AHCY: variants seen among roughly 807,000 people sequenced by gnomAD.
AHCY encodes adenosylhomocysteinase.
Under a neutral mutation model 45.4 loss-of-function variants are expected in AHCY, and 24 were observed. That is an observed-to-expected ratio of 0.53 (90% CI 0.38 to 0.74). The LOEUF (loss-of-function observed/expected upper bound fraction) is 0.74, where lower values mean the gene tolerates loss of function less well. AHCY is among the 30% of genes least tolerant of loss of function. The probability of loss-of-function intolerance (pLI) is 0.00; values close to 1 mark genes in which losing one functional copy is unlikely to be tolerated. For missense variants in AHCY, 449 were observed against 594.1 expected, an observed-to-expected ratio of 0.76 and a Z score of 2.54; for synonymous variants, 245 against 235.1, an observed-to-expected ratio of 1.04 and a Z score of -0.39.
At chr20:34,273,144 T>C in the AHCY span, among the ~76,000 whole-genome samples, 2 of 151,768 alleles carry the variant, frequency 1.3e-5, no homozygotes, top group African/African-American at 4.8e-5. Context: ...CTTCAGTCCC[T>C]CTCTCCTCCC....
At chr20:34,303,214 C>T (rs999601711) in intron 1 of AHCY, 29 bp downstream of exon 1, 6 of 1,551,114 alleles carry the variant, frequency 3.9e-6, no homozygotes, top group South Asian at 1.2e-5. Flanking sequence ...GCCGGGCGGC[C>T]GCAACCGGCT....
chr20:34,240,977 T>G, the AHCY span, among the ~76,000 whole-genome samples: 10 of 152,122 alleles, frequency 6.6e-5, no homozygotes, highest in Admixed American at 2.0e-4. Context: ...GGAAGCCAGC[T>G]CTGGGAGATC....
At chr20:34,304,540 T>A (rs545023797), upstream of AHCY, among the ~76,000 whole-genome samples, 25 of 151,946 alleles carry the variant, frequency 1.6e-4, no homozygotes, top group East Asian at 2.1e-3. Context: ...TTTTTTTTTT[T>A]ATGGAGTCTC....
At chr20:34,308,954 AAT>A (rs2036921551) in intron 1 of AHCY, among the ~76,000 whole-genome samples, 1 of 112,516 alleles carries the variant, frequency 8.9e-6, no homozygotes, top group African/African-American at 3.9e-5. Context: ...GCGCCTGGCC[AAT>A]TTTTTTTTTT....
chr20:34,240,294 C>T, the AHCY span, among the ~76,000 whole-genome samples: 7 of 152,278 alleles, frequency 4.6e-5, no homozygotes, highest in South Asian at 1.5e-3. Flanking sequence ...AGCAGCTGGG[C>T]TTGTGAAAAA....
chr20:34,251,459 A>G, the AHCY span, among the ~76,000 whole-genome samples: 15 of 151,994 alleles, frequency 9.9e-5, no homozygotes, highest in African/African-American at 3.6e-4. Context: ...ATTTTTTAAT[A>G]GAGACGGGGT....
the AHCY span, among the ~76,000 whole-genome samples, chr20:34,235,878 GA>G: frequency 2.1e-5 from 2 of 93,262 alleles, no homozygotes; most frequent in African/African-American, 5.8e-5. Context: ...AGGAAGGAAG[GA>G]AGGAAGGAAG....
chr20:34,268,902 T>C, the AHCY span: 1 of 1,483,888 alleles, frequency 6.7e-7, no homozygotes, highest in Non-Finnish European at 9.1e-7. Context: ...TGGTCCGGGA[T>C]CTCCCTAGCC....
intron 4 of AHCY, 105 bp downstream of exon 4, chr20:34,292,253 G>C: frequency 7.1e-7 from 1 of 1,403,790 alleles, no homozygotes; most frequent in Non-Finnish European, 9.8e-7. Context: ...TCCAGATCCT[G>C]CTGCTTGAGG....
intron 2 of AHCY, chr20:34,295,159 G>T: frequency 1.6e-6 from 1 of 625,994 alleles, no homozygotes; most frequent in South Asian, 1.8e-5. Flanking sequence ...CCATCAGGAG[G>T]ATGCCTTGAG....
rs1043568711 is a variant in AHCY at position 34,280,470 on chromosome 20, C to T, written c.*564G>A. ...TCACTTCTCTGTTCTTTCTCAGTTGCCCCTTAACAGTCTATTCTAACCCCT... is the reference window on the plus strand; with the variant it reads ...TCACTTCTCTGTTCTTTCTCAGTTGTCCCTTAACAGTCTATTCTAACCCCT... On this transcript the variant is annotated 3_prime_UTR_variant, in exon 10 of 10. Transcript: ENST00000217426. 5.0e-5 allele frequency: 8 copies of T among 159,038 alleles called. No individual in the cohort carries two copies. Among genetic ancestry groups the T allele is most frequent in the African/African-American group, 1.9e-4 (8 of 41,476 alleles). 9.9% of individuals were successfully genotyped at this position (159,038 alleles called of 1,614,324 possible).
chr20:34,279,079 A>G (rs2035938229), downstream of AHCY, among the ~76,000 whole-genome samples: 2 of 109,984 alleles, frequency 1.8e-5, no homozygotes. Context: ...ACTGCACTCT[A>G]GCCTGGGCGA....
the AHCY span, among the ~76,000 whole-genome samples, chr20:34,238,696 AT>A: frequency 6.6e-6 from 1 of 151,454 alleles, no homozygotes; most frequent in Non-Finnish European, 1.5e-5. Flanking sequence ...AATGTGCCAT[AT>A]TTTTTCTTTT....
chr20:34,252,916 C>T, the AHCY span, among the ~76,000 whole-genome samples: 3 of 152,160 alleles, frequency 2.0e-5, no homozygotes, highest in African/African-American at 4.8e-5. Flanking sequence ...CAAGGCACAT[C>T]CTGCACAGCC....
chr20:34,242,760 A>C, the AHCY span, among the ~76,000 whole-genome samples: 1 of 152,198 alleles, frequency 6.6e-6, no homozygotes, highest in Non-Finnish European at 1.5e-5. Flanking sequence ...TTCATCTCAC[A>C]TCAAAGCCTC....
At chr20:34,251,778 T>C in the AHCY span, among the ~76,000 whole-genome samples, 1 of 152,174 alleles carries the variant, frequency 6.6e-6, no homozygotes, top group Non-Finnish European at 1.5e-5. Flanking sequence ...ATGAGACTAG[T>C]GCCTTTACAA....
chr20:34,235,885 GGAAGGAAGGAAGGAAAGGAA>G, the AHCY span, among the ~76,000 whole-genome samples: 3 of 101,888 alleles, frequency 2.9e-5, no homozygotes, highest in Admixed American at 9.0e-5. Context: ...AAGGAAGGAA[GGAAGGAAGGAAGGAAAGGAA>G]GGAAGGAAGG....
At chr20:34,237,017 C>A in the AHCY span, among the ~76,000 whole-genome samples, 2 of 152,146 alleles carry the variant, frequency 1.3e-5, no homozygotes, top group African/African-American at 4.8e-5. Flanking sequence ...CACTTGACCA[C>A]ACATGTAAAG....
At chr20:34,303,711 A>C (rs1279878396), upstream of AHCY, among the ~76,000 whole-genome samples, 1 of 152,210 alleles carries the variant, frequency 6.6e-6, no homozygotes, top group Non-Finnish European at 1.5e-5. Flanking sequence ...GTAAAGTTGC[A>C]GGCCAGGCGC....
Sources: allele counts gnomAD v4.1 joint callset (sites outside exome capture counted in the v4.1 genomes callset), GRCh38; gene constraint gnomAD v4.1.1; transcripts MANE v1.5; gene names NCBI Gene and HGNC (gene_info 2026-07-23, HGNC 2026-07-21).